Variants in TLN2 observed in about 807,000 individuals in gnomAD.
TLN2 encodes talin-2.
Under a neutral mutation model 294.7 loss-of-function variants are expected in TLN2, and 118 were observed. That is an observed-to-expected ratio of 0.40 (90% CI 0.34 to 0.47). The LOEUF (loss-of-function observed/expected upper bound fraction) is 0.47. TLN2 is among the 20% of genes least tolerant of loss of function. The probability of loss-of-function intolerance (pLI) is 0.84; values close to 1 mark genes in which losing one functional copy is unlikely to be tolerated. For missense variants in TLN2, 3,083 were observed against 3,282.2 expected, an observed-to-expected ratio of 0.94 and a Z score of 1.48; for synonymous variants, 1,431 against 1,304.5, an observed-to-expected ratio of 1.10 and a Z score of -2.09.
chr15:62,623,817 G>T (rs1319863541), intron 3 of TLN2, among the ~76,000 whole-genome samples: 1 of 152,138 alleles, frequency 6.6e-6, no homozygotes, highest in Admixed American at 6.5e-5. Flanking sequence ...CGGTGAGATA[G>T]CAAAATATGA....
chr15:62,510,197 G>C (rs2039856190), intron 1 of TLN2, among the ~76,000 whole-genome samples: 1 of 152,256 alleles, frequency 6.6e-6, no homozygotes, highest in East Asian at 1.9e-4. Context: ...CATGACAGGT[G>C]CTGCCAGCCC....
chr15:62,560,557 C>T (rs2042872019), intron 1 of TLN2, among the ~76,000 whole-genome samples: 1 of 152,202 alleles, frequency 6.6e-6, no homozygotes, highest in Admixed American at 6.5e-5. Flanking sequence ...GAACTCTTGA[C>T]CTCAAGTGAT....
chr15:62,694,466 C>A (rs2058180514), intron 14 of TLN2, 74 bp downstream of exon 14: 1 of 1,249,330 alleles, frequency 8.0e-7, no homozygotes, highest in Non-Finnish European at 1.2e-6. Context: ...AGCTTGGAGC[C>A]TGCTGCTCTG....
At position 62,753,752 on chromosome 15, in the gene TLN2, G is replaced by GT. The variant is rs749669310; in HGVS notation, c.4333-16dup. The GT allele has an allele frequency of 1.2e-3, 1,962 of 1,590,888 alleles. 3 individuals carry two copies. The highest frequency in any genetic ancestry group is 1.5e-3 in the Non-Finnish European group (1,790 of 1,167,438). On this transcript the variant is annotated intron_variant, in intron 35 of 58. Coordinates refer to ENST00000636159, the MANE Select transcript of TLN2 (RefSeq NM_015059.3). The stretch of plus-strand genomic sequence containing the variant: ...CTAGGAGCACGGAGCCTGAGCTGTG[G>GT]TTTTTCTCTTCCCTTTCTAGGCTGC...
Position 62,694,319 on chromosome 15 carries a change from C to A in TLN2, c.1219C>A (p.Gln407Lys), listed in dbSNP as rs998051690. ...GYIDIILKKK[Q>K]SKDRFGLEGD... ...TCTTGTTTTATTGCATTTCCAGAAA[C>A]AAAGTAAAGATCGATTTGGACTAGA... The change falls in exon 14 of 59, where the codon CAA becomes AAA. Residue 407 changes from glutamine to lysine, a missense_variant. Physicochemically the swap from Gln to Lys is moderately conservative, Grantham distance 53 (BLOSUM62 1). Coordinates refer to ENST00000636159, the MANE Select transcript of TLN2 (RefSeq NM_015059.3). The A allele has an allele frequency of 2.2e-5, 35 of 1,613,762 alleles. No individual in the cohort carries two copies. Among genetic ancestry groups the A allele is most frequent in the Non-Finnish European group, 2.9e-5 (34 of 1,179,898 alleles).
rs1566981290 is a variant in TLN2, at chr15:62,450,586, T to TGC, written c.-238+59902_-238+59903insCG. Among the ~76,000 whole-genome samples, 13 of 151,232 alleles carry TGC rather than the reference T, an allele frequency of 8.6e-5. No individual in the cohort carries two copies. In the East Asian group the frequency reaches 2.5e-3, roughly 29 times the overall value. Reference sequence around the variant, plus strand: ...GTGTGTGTGTGTGTCTGTGTGTGTGTGTGTTTGAGACAGGGTCTGACTTTG... The same window carrying TGC: ...GTGTGTGTGTGTGTCTGTGTGTGTGTGCGTGTTTGAGACAGGGTCTGACTTTG... On this transcript the variant is annotated intron_variant, in intron 1 of 58. Coordinates refer to ENST00000636159, the MANE Select transcript of TLN2 (RefSeq NM_015059.3).
At chr15:62,541,581 C>A (rs984559578) in intron 1 of TLN2, among the ~76,000 whole-genome samples, 1 of 152,000 alleles carries the variant, frequency 6.6e-6, no homozygotes, top group Non-Finnish European at 1.5e-5. Flanking sequence ...TGGATTGAAC[C>A]TTGTTTGCTC....
At chr15:62,505,871 G>T (rs1261618747) in intron 1 of TLN2, among the ~76,000 whole-genome samples, 2 of 152,122 alleles carry the variant, frequency 1.3e-5, no homozygotes, top group African/African-American at 4.8e-5. Flanking sequence ...CTGCCTCTTT[G>T]GGTAGCCTGA....
At chr15:62,468,625 G>C (rs1388772406) in intron 1 of TLN2, among the ~76,000 whole-genome samples, 2 of 151,894 alleles carry the variant, frequency 1.3e-5, no homozygotes, top group Non-Finnish European at 1.5e-5. Flanking sequence ...GGCGCCTGTA[G>C]TCCCAGCTAC....
intron 9 of TLN2, among the ~76,000 whole-genome samples, chr15:62,671,216 C>A (rs1020676518): frequency 6.6e-6 from 1 of 151,968 alleles, no homozygotes; most frequent in African/African-American, 2.4e-5. Context: ...AATATTTTCC[C>A]CCATTCTATG....
chr15:62,539,188 T>C (rs2041531846), intron 1 of TLN2, among the ~76,000 whole-genome samples: 1 of 152,148 alleles, frequency 6.6e-6, no homozygotes, highest in Admixed American at 6.5e-5. Flanking sequence ...GCAATGAAAA[T>C]CTGAGGCAGT....
intron 49 of TLN2, 46 bp from the exon 50 acceptor site, chr15:62,800,607 A>T: frequency 6.2e-7 from 1 of 1,611,874 alleles, no homozygotes; most frequent in African/African-American, 1.3e-5. Flanking sequence ...TAGGGGCTGG[A>T]CCTGAGTCAC....
chr15:62,722,542 T>C, intron 26 of TLN2, 55 bp downstream of exon 26: 1 of 1,565,876 alleles, frequency 6.4e-7, no homozygotes, highest in South Asian at 1.2e-5. Context: ...TGGGGTGGCA[T>C]GGGTACCACC....
chr15:62,483,871 A>G (rs553136661), intron 1 of TLN2, among the ~76,000 whole-genome samples: 1 of 152,324 alleles, frequency 6.6e-6, no homozygotes, highest in South Asian at 2.1e-4. Flanking sequence ...GGAGCAAGCC[A>G]CCACACCCAT....
chr15:62,437,752 G>GTGTGTGT, intron 1 of TLN2, among the ~76,000 whole-genome samples: 1 of 150,310 alleles, frequency 6.7e-6, no homozygotes, highest in African/African-American at 2.4e-5. Context: ...ACACCATGGG[G>GTGTGTGT]GTGTGTGTGT....
At chr15:62,583,960 C>CT (rs781499088) in intron 1 of TLN2, among the ~76,000 whole-genome samples, 1 of 152,124 alleles carries the variant, frequency 6.6e-6, no homozygotes, top group African/African-American at 2.4e-5. Context: ...AATGTGATCT[C>CT]TTTTCTTGCC....
chr15:62,488,552 A>G (rs1342785593), intron 1 of TLN2, among the ~76,000 whole-genome samples: 1 of 152,234 alleles, frequency 6.6e-6, no homozygotes, highest in Non-Finnish European at 1.5e-5. Context: ...GCCAGAATTT[A>G]TGTTTGTGGG....
intron 54 of TLN2, chr15:62,831,464 A>ATATACATTATTTATATATT (rs1313812948): frequency 6.6e-6 from 1 of 151,752 alleles, no homozygotes; most frequent in Non-Finnish European, 1.5e-5. Context: ...GGTTATTAAA[A>ATATACATTATTTATATATT]TATACATTAT....
chr15:62,605,709 C>T (rs1036637323), intron 2 of TLN2, among the ~76,000 whole-genome samples: 1 of 152,186 alleles, frequency 6.6e-6, no homozygotes, highest in African/African-American at 2.4e-5. Flanking sequence ...CCTTGTGACT[C>T]GGTTGAACAC....
Sources: allele counts gnomAD v4.1 joint callset (sites outside exome capture counted in the v4.1 genomes callset), GRCh38; gene constraint gnomAD v4.1.1; transcripts MANE v1.5; gene names NCBI Gene and HGNC (gene_info 2026-07-23, HGNC 2026-07-21).